The following RBFOX1 variants were observed in gnomAD, a reference collection of about 807,000 sequenced individuals.
RBFOX1 encodes RNA binding fox-1 homolog 1, also known as RNA binding protein fox-1 homolog 1.
In RBFOX1, 8 loss-of-function variants were observed where a neutral mutation model predicts 57.7. That is an observed-to-expected ratio of 0.14 (90% CI 0.08 to 0.25). The LOEUF (loss-of-function observed/expected upper bound fraction) is 0.25, where lower values mean the gene tolerates loss of function less well. RBFOX1 is among the 10% of genes least tolerant of loss of function. The pLI is 1.00. For missense variants in RBFOX1, 611 were observed against 548.5 expected (o/e 1.11, Z -1.14); for synonymous variants, 326 against 222.4 (o/e 1.47, Z -4.15).
intron 10 of RBFOX1, among the ~76,000 whole-genome samples, chr16:7,627,957 A>T (rs2060336518): frequency 6.6e-6 from 1 of 151,782 alleles, no homozygotes. Flanking sequence ...CAAAGAAAAT[A>T]TTTCAGTCCA....
intron 2 of RBFOX1, among the ~76,000 whole-genome samples, chr16:6,425,724 C>T (rs190754637): frequency 6.6e-6 from 1 of 152,156 alleles, no homozygotes; most frequent in Admixed American, 6.5e-5. Context: ...TACACACACA[C>T]ACACGAACGT....
chr16:5,582,572 T>TTTG lies in RBFOX1; in HGVS notation c.259-16330_259-16329insTTG, dbSNP rs369563835. Among the ~76,000 whole-genome samples, 51 of 106,054 alleles carry TTTG rather than the reference T, an allele frequency of 4.8e-4. 5 individuals carry two copies. The highest frequency in any genetic ancestry group is 1.9e-3 in the African/African-American group (50 of 25,904). The allele number at this position is 106,054 out of a possible 152,430, so 69.6% of individuals were successfully genotyped here. A position where few individuals can be genotyped will look rare whatever the true frequency, so the allele number is the denominator to read the frequency against. The stretch of plus-strand genomic sequence containing the variant: ...CTTTTTTTTTTTTTTTTTTTTTTTT[T>TTTG]AAACGGAGTCTTTGTTGCCCAGGCT... On this transcript the variant is annotated intron_variant, in intron 2 of 2. Coordinates refer to the RBFOX1 transcript ENST00000585867.
At chr16:6,875,131 TATACC>T (rs1160455791) in intron 3 of RBFOX1, among the ~76,000 whole-genome samples, 2 of 152,184 alleles carry the variant, frequency 1.3e-5, no homozygotes, top group Non-Finnish European at 2.9e-5. Context: ...CTAAGTTGCT[TATACC>T]ATTTAATCAT....
chr16:6,439,267 G>A (rs1463912371), intron 2 of RBFOX1, among the ~76,000 whole-genome samples: 3 of 152,164 alleles, frequency 2.0e-5, no homozygotes, highest in Non-Finnish European at 2.9e-5. Flanking sequence ...AGATGCAAAT[G>A]GAAACTGCAG....
At chr16:6,046,387 A>G (rs914566422) in intron 1 of RBFOX1, among the ~76,000 whole-genome samples, 6 of 152,174 alleles carry the variant, frequency 3.9e-5, no homozygotes, top group African/African-American at 1.4e-4. Context: ...TGAAGATCTA[A>G]TTTGTAGGGT....
chr16:6,798,772 A>G (rs777838651), intron 3 of RBFOX1, among the ~76,000 whole-genome samples: 1 of 152,196 alleles, frequency 6.6e-6, no homozygotes, highest in Non-Finnish European at 1.5e-5. Context: ...GAGTAAAAGT[A>G]AAGTAGATTT....
At chr16:6,955,138 G>A (rs915770810) in intron 3 of RBFOX1, among the ~76,000 whole-genome samples, 2 of 152,008 alleles carry the variant, frequency 1.3e-5, no homozygotes, top group African/African-American at 4.8e-5. Context: ...CTACTTGGGA[G>A]GTTGAGGCAG....
intron 3 of RBFOX1, among the ~76,000 whole-genome samples, chr16:6,838,723 C>T (rs1367368781): frequency 1.3e-5 from 2 of 152,170 alleles, no homozygotes; most frequent in Non-Finnish European, 2.9e-5. Context: ...GCCCGTCCTG[C>T]ATCGGTAATA....
At chr16:7,386,149 C>A (rs1021833152) in intron 4 of RBFOX1, among the ~76,000 whole-genome samples, 10 of 151,912 alleles carry the variant, frequency 6.6e-5, no homozygotes, top group African/African-American at 2.2e-4. Context: ...GGTTTGAGAT[C>A]CCAACAGCCT....
At chr16:6,701,804 C>T (rs915283627) in intron 3 of RBFOX1, among the ~76,000 whole-genome samples, 1 of 152,136 alleles carries the variant, frequency 6.6e-6, no homozygotes, top group Admixed American at 6.5e-5. Flanking sequence ...TTTGCAGCAA[C>T]ATGGATGGAA....
At chr16:5,806,165 G>C (rs2151764525) in intron 3 of RBFOX1, among the ~76,000 whole-genome samples, 1 of 152,224 alleles carries the variant, frequency 6.6e-6, no homozygotes, top group South Asian at 2.1e-4. Flanking sequence ...CTCATTTTCT[G>C]TCTTTCTTCA....
chr16:6,119,202 G>C (rs1237314396), intron 1 of RBFOX1, among the ~76,000 whole-genome samples: 1 of 151,828 alleles, frequency 6.6e-6, no homozygotes, highest in Non-Finnish European at 1.5e-5. Flanking sequence ...CAATGAATAT[G>C]AGCTGTTTAT....
At chr16:6,888,316 C>G (rs74008405) in intron 3 of RBFOX1, among the ~76,000 whole-genome samples, 2 of 152,154 alleles carry the variant, frequency 1.3e-5, no homozygotes, top group South Asian at 4.1e-4. Flanking sequence ...AGTAGTTACA[C>G]AGTTGGCAAT....
At chr16:7,501,143 A>C (rs1472128260) in intron 4 of RBFOX1, among the ~76,000 whole-genome samples, 1 of 152,198 alleles carries the variant, frequency 6.6e-6, no homozygotes, top group Non-Finnish European at 1.5e-5. Context: ...GAACAGACTA[A>C]TATAACCCAG....
At chr16:7,043,374 C>A (rs771899442) in intron 3 of RBFOX1, among the ~76,000 whole-genome samples, 1 of 152,150 alleles carries the variant, frequency 6.6e-6, no homozygotes, top group Non-Finnish European at 1.5e-5. Flanking sequence ...GATACACACC[C>A]CCTTTCATTA....
In RBFOX1 at chr16:7,657,394, T is replaced by C. The variant is rs543682842; in HGVS notation, c.890+3447T>C. Among the ~76,000 whole-genome samples the C allele has an allele frequency of 5.9e-5, 9 of 152,298 alleles. No homozygotes were observed. In the South Asian group the frequency reaches 1.9e-3, roughly 32 times the overall value. On this transcript the variant is annotated intron_variant, in intron 12 of 15. Transcript: ENST00000550418. The stretch of plus-strand genomic sequence containing the variant: ...ATCTCGACTCACTGCAACCTCCACC[T>C]CCTGGGTTCAAGTGATTCTCCCACC...
At chr16:7,084,369 AG>A (rs2059665843) in intron 4 of RBFOX1, among the ~76,000 whole-genome samples, 1 of 152,218 alleles carries the variant, frequency 6.6e-6, no homozygotes, top group South Asian at 2.1e-4. Flanking sequence ...GATAGAAAAA[AG>A]CATATTAATA....
chr16:6,497,358 C>T (rs183844137), intron 2 of RBFOX1, among the ~76,000 whole-genome samples: 102 of 152,220 alleles, frequency 6.7e-4, no homozygotes, highest in Non-Finnish European at 1.1e-3. Flanking sequence ...GCTTGATGCC[C>T]TCCACAGACT....
intron 3 of RBFOX1, among the ~76,000 whole-genome samples, chr16:5,831,226 C>T (rs989964563): frequency 6.6e-6 from 1 of 151,982 alleles, no homozygotes; most frequent in African/African-American, 2.4e-5. Context: ...GGGGGTGGAT[C>T]CCTCATGATT....
Sources: allele counts gnomAD v4.1 joint callset (sites outside exome capture counted in the v4.1 genomes callset), GRCh38; gene constraint gnomAD v4.1.1; transcripts MANE v1.5; gene names NCBI Gene and HGNC (gene_info 2026-07-23, HGNC 2026-07-21).